The following PTPRM variants were observed in gnomAD, a reference collection of about 807,000 sequenced individuals.
PTPRM encodes the protein protein tyrosine phosphatase receptor type M.
A neutral mutation model predicts 186.7 loss-of-function variants in PTPRM; 47 were observed. The observed-to-expected ratio is 0.25, with a 90% confidence interval of 0.20 to 0.32. The LOEUF is 0.32. Among genes scored for constraint, PTPRM ranks in the 10% least tolerant of loss-of-function variants. The probability of loss-of-function intolerance (pLI) is 1.00; values close to 1 mark genes in which losing one functional copy is unlikely to be tolerated. For synonymous variants in PTPRM, 668 were observed against 674.9 expected (o/e 0.99, Z 0.16); for missense variants, 1,494 against 1,865.0 (o/e 0.80, Z 3.66).
At chr18:7,960,459 A>T (rs1305215936) in intron 7 of PTPRM, among the ~76,000 whole-genome samples, 1 of 43,404 alleles carries the variant, frequency 2.3e-5, no homozygotes, top group Non-Finnish European at 4.3e-5. Context: ...ACATATATAT[A>T]TATATATATA....
intron 7 of PTPRM, among the ~76,000 whole-genome samples, chr18:8,031,471 A>G (rs2085968508): frequency 1.3e-5 from 2 of 152,244 alleles, no homozygotes; most frequent in Admixed American, 6.5e-5. Flanking sequence ...TATGTGTGGA[A>G]TTAATAAAAA....
At chr18:7,777,878 G>A (rs962184842) in intron 2 of PTPRM, among the ~76,000 whole-genome samples, 6 of 152,220 alleles carry the variant, frequency 3.9e-5, no homozygotes, top group African/African-American at 1.4e-4. Context: ...GCTGGGTGCG[G>A]TGGCTCATGC....
chr18:8,365,526 C>T (rs765982918), intron 23 of PTPRM, among the ~76,000 whole-genome samples: 4 of 152,236 alleles, frequency 2.6e-5, no homozygotes, highest in African/African-American at 4.8e-5. Flanking sequence ...TGAGATTCCT[C>T]GCAGCTATAT....
At position 7,859,109 on chromosome 18, in the gene PTPRM, A is replaced by T. The variant is rs2047224433; in HGVS notation, c.197-28997A>T. 2.0e-5 allele frequency among the ~76,000 whole-genome samples: 3 copies of T among 152,164 alleles called. No individual in the cohort carries two copies. In the South Asian group the frequency reaches 6.2e-4, roughly 32 times the overall value. ...TTCACTTATAACCTAATTTCTACTG[A>T]TATTCCCAGTTTTGTGTAAACGTCT... On this transcript the variant is annotated intron_variant, in intron 2 of 32. Transcript: ENST00000580170.
chr18:7,662,746 C>T (rs1028484338), intron 1 of PTPRM, among the ~76,000 whole-genome samples: 2 of 151,986 alleles, frequency 1.3e-5, no homozygotes, highest in South Asian at 2.1e-4. Flanking sequence ...AAATACTTCA[C>T]GTGATGTATA....
intron 2 of PTPRM, among the ~76,000 whole-genome samples, chr18:7,807,797 T>C (rs2145436771): frequency 6.6e-6 from 1 of 152,348 alleles, no homozygotes; most frequent in East Asian, 1.9e-4. Flanking sequence ...TACATCTAAG[T>C]AATATTTGAA....
intron 23 of PTPRM, among the ~76,000 whole-genome samples, chr18:8,353,133 A>G (rs926978974): frequency 3.9e-5 from 6 of 152,184 alleles, no homozygotes; most frequent in South Asian, 4.1e-4. Flanking sequence ...AGGAAGGGAA[A>G]GCACAGGAAG....
At chr18:7,682,341 C>T (rs555127815) in intron 1 of PTPRM, among the ~76,000 whole-genome samples, 1 of 152,330 alleles carries the variant, frequency 6.6e-6, no homozygotes, top group East Asian at 1.9e-4. Context: ...CATTAGAAAA[C>T]ATACTAACTG....
intron 14 of PTPRM, among the ~76,000 whole-genome samples, chr18:8,152,515 T>C (rs2146247135): frequency 6.6e-6 from 1 of 152,270 alleles, no homozygotes; most frequent in South Asian, 2.1e-4. Flanking sequence ...TTTTCCCCAC[T>C]TGTCATGTGC....
At chr18:8,302,221 C>T (rs771272370) in intron 20 of PTPRM, among the ~76,000 whole-genome samples, 2 of 152,162 alleles carry the variant, frequency 1.3e-5, no homozygotes, top group Non-Finnish European at 2.9e-5. Flanking sequence ...GGGAAGGCCT[C>T]CCTGAGGATG....
In PTPRM at chr18:8,060,915, A is replaced by T. The variant is rs1215535739; in HGVS notation, c.1133-8771A>T. Among the ~76,000 whole-genome samples, 17 of 55,912 alleles carry T rather than the reference A, an allele frequency of 3.0e-4. 5 individuals are homozygous for T. In the South Asian group the frequency reaches 5.8e-3, roughly 19 times the overall value. The allele number at this position is 55,912 out of a possible 152,430, so 36.7% of individuals were successfully genotyped here. On this transcript the variant is annotated intron_variant, in intron 7 of 32. Transcript: ENST00000580170. ...TTGGAATAGGTGTGGTGTGGTGCTG[A>T]AAAAAACGTATATTCTGTTGATTTG...
At chr18:8,086,373 A>C (rs1418550609) in intron 10 of PTPRM, among the ~76,000 whole-genome samples, 1 of 152,090 alleles carries the variant, frequency 6.6e-6, no homozygotes, top group Non-Finnish European at 1.5e-5. Context: ...GCTTTTAGAG[A>C]CTTAATTATG....
chr18:7,784,938 G>A (rs997372042), intron 2 of PTPRM, among the ~76,000 whole-genome samples: 1 of 152,198 alleles, frequency 6.6e-6, no homozygotes, highest in Non-Finnish European at 1.5e-5. Context: ...AGGGCAAGGG[G>A]AAGGCTTCCA....
At chr18:7,884,735 CA>C (rs2048683433) in intron 2 of PTPRM, among the ~76,000 whole-genome samples, 1 of 151,626 alleles carries the variant, frequency 6.6e-6, no homozygotes, top group Admixed American at 6.6e-5. Flanking sequence ...CCAGCCTGAC[CA>C]ACATGGTGAA....
intron 14 of PTPRM, among the ~76,000 whole-genome samples, chr18:8,167,828 G>T (rs544354594): frequency 7.2e-5 from 11 of 152,354 alleles, no homozygotes; most frequent in African/African-American, 2.6e-4. Context: ...AGCAGTTCCT[G>T]TTCTTTGCCC....
chr18:8,097,813 C>A (rs114903884), intron 11 of PTPRM, among the ~76,000 whole-genome samples: 2,354 of 152,228 alleles, frequency 0.015, 22 homozygotes, highest in African/African-American at 0.024. Flanking sequence ...AGTGGTCATC[C>A]TAGTCAACAA....
At chr18:7,804,437 G>C (rs1034619687) in intron 2 of PTPRM, among the ~76,000 whole-genome samples, 2 of 152,214 alleles carry the variant, frequency 1.3e-5, no homozygotes, top group African/African-American at 2.4e-5. Context: ...GTAAATAGCA[G>C]TATGTTTTGA....
intron 11 of PTPRM, among the ~76,000 whole-genome samples, chr18:8,098,607 C>CT (rs199890710): frequency 5.2e-4 from 78 of 149,190 alleles, no homozygotes; most frequent in African/African-American, 1.7e-3. Context: ...TTGAAGCAAT[C>CT]TTTTTTTTTT....
intron 7 of PTPRM, among the ~76,000 whole-genome samples, chr18:7,976,432 G>A (rs566602082): frequency 1.5e-4 from 23 of 152,310 alleles, no homozygotes; most frequent in Admixed American, 1.0e-3. Flanking sequence ...CACCAAGAGT[G>A]AATCCTGATA....
Sources: allele counts gnomAD v4.1 joint callset (sites outside exome capture counted in the v4.1 genomes callset), GRCh38; gene constraint gnomAD v4.1.1; transcripts MANE v1.5; gene names NCBI Gene and HGNC (gene_info 2026-07-23, HGNC 2026-07-21).